The following FYB1 variants were observed in gnomAD, a reference collection of about 807,000 sequenced individuals.
FYB1 encodes the protein FYN-binding protein 1.
In FYB1, 41 loss-of-function variants were observed where a neutral mutation model predicts 94.1. The observed-to-expected ratio is 0.44, with a 90% confidence interval of 0.34 to 0.57. The LOEUF is 0.57. Ranked by LOEUF, FYB1 falls within the 20% of genes least tolerant of loss-of-function variation. The probability of loss-of-function intolerance (pLI) is 0.02; values close to 1 mark genes in which losing one functional copy is unlikely to be tolerated. For synonymous variants in FYB1, 367 were observed against 353.2 expected (o/e 1.04, Z -0.44); for missense variants, 1,050 against 976.8 (o/e 1.07, Z -1.00).
At chr5:39,166,577 A>G (rs375001360) in intron 2 of FYB1, among the ~76,000 whole-genome samples, 4 of 152,210 alleles carry the variant, frequency 2.6e-5, no homozygotes, top group East Asian at 1.9e-4. Context: ...TATAAAATGG[A>G]TGACACTGAT....
chr5:39,138,220 A>G (rs1741835060), intron 6 of FYB1: 1 of 166,798 alleles, frequency 6.0e-6, no homozygotes, highest in Non-Finnish European at 1.3e-5. Context: ...CGTTTCCAAG[A>G]AACTTCTTTG....
chr5:39,210,111 G>A (rs993111133), intron 1 of FYB1, among the ~76,000 whole-genome samples: 1 of 152,224 alleles, frequency 6.6e-6, no homozygotes, highest in African/African-American at 2.4e-5. Flanking sequence ...GGACCTGGTG[G>A]CGGAAGCAGC....
intron 3 of FYB1, among the ~76,000 whole-genome samples, chr5:39,146,583 G>T (rs1237267782): frequency 1.3e-5 from 2 of 152,074 alleles, no homozygotes; most frequent in African/African-American, 4.8e-5. Context: ...TGGTGAAAAG[G>T]ATGTTAAATC....
At chr5:39,164,391 A>C (rs184617983) in intron 2 of FYB1, among the ~76,000 whole-genome samples, 1 of 152,312 alleles carries the variant, frequency 6.6e-6, no homozygotes, top group East Asian at 1.9e-4. Flanking sequence ...AAAACTCTGC[A>C]CACCCAACAC....
chr5:39,180,292 T>G (rs975128771), intron 2 of FYB1, among the ~76,000 whole-genome samples: 7 of 151,822 alleles, frequency 4.6e-5, no homozygotes, highest in African/African-American at 1.5e-4. Context: ...TGAGGAGGAG[T>G]GTTTCTACTC....
intron 1 of FYB1, among the ~76,000 whole-genome samples, chr5:39,227,347 A>G (rs1750521665): frequency 6.6e-6 from 1 of 152,184 alleles, no homozygotes; most frequent in Non-Finnish European, 1.5e-5. Flanking sequence ...ATTATTTTTC[A>G]TAGGGGATGC....
At chr5:39,198,396 T>C (rs1354119611) in intron 2 of FYB1, among the ~76,000 whole-genome samples, 2 of 152,206 alleles carry the variant, frequency 1.3e-5, no homozygotes, top group Non-Finnish European at 2.9e-5. Context: ...ATGGGTTCAT[T>C]AAACTGCTGT....
At chr5:39,239,822 C>T (rs764173230) in intron 1 of FYB1, among the ~76,000 whole-genome samples, 6 of 152,100 alleles carry the variant, frequency 3.9e-5, no homozygotes, top group Non-Finnish European at 8.8e-5. Flanking sequence ...TTAAAATTCA[C>T]ATGGAACCAA....
At chr5:39,185,713 A>T (rs925271950) in intron 2 of FYB1, among the ~76,000 whole-genome samples, 5 of 151,654 alleles carry the variant, frequency 3.3e-5, no homozygotes, top group Admixed American at 2.0e-4. Context: ...AACCATGAGG[A>T]ATCCCTAAAA....
intron 2 of FYB1, among the ~76,000 whole-genome samples, chr5:39,171,362 G>C (rs1330497196): frequency 6.6e-6 from 1 of 152,018 alleles, no homozygotes; most frequent in Non-Finnish European, 1.5e-5. Flanking sequence ...TAGTTTTTAA[G>C]TTGTGGAATC....
intron 1 of FYB1, among the ~76,000 whole-genome samples, chr5:39,229,431 T>C (rs79135382): frequency 1.3e-5 from 2 of 152,278 alleles, no homozygotes; most frequent in Non-Finnish European, 2.9e-5. Context: ...CAGTGGAAAC[T>C]AGTAACTCAC....
intron 1 of FYB1, among the ~76,000 whole-genome samples, chr5:39,224,812 A>G (rs151309602): frequency 2.8e-4 from 42 of 152,196 alleles, no homozygotes; most frequent in African/African-American, 9.9e-4. Context: ...CCTCTCCCTA[A>G]ATCCTTCTAA....
chr5:39,169,939 C>A, intron 2 of FYB1: 1 of 638,716 alleles, frequency 1.6e-6, no homozygotes, highest in South Asian at 1.5e-5. Context: ...CTTCTGTGAA[C>A]TATTAAGGAA....
intron 2 of FYB1, among the ~76,000 whole-genome samples, chr5:39,183,928 A>G (rs1579594026): frequency 6.6e-6 from 1 of 152,316 alleles, no homozygotes; most frequent in Admixed American, 6.5e-5. Context: ...TAGATGATCC[A>G]CAGGCCACAT....
At chr5:39,145,348 T>C (rs1742551354) in intron 3 of FYB1, among the ~76,000 whole-genome samples, 1 of 152,164 alleles carries the variant, frequency 6.6e-6, no homozygotes, top group South Asian at 2.1e-4. Context: ...TGTTTAAAAA[T>C]GAAATTAAAT....
In FYB1 at chr5:39,107,429, A is replaced by C; in HGVS notation, c.*14T>G. 3 of 1,529,054 alleles carry C rather than the reference A, an allele frequency of 2.0e-6. No individual in the cohort carries two copies. The highest frequency in any genetic ancestry group is 2.6e-6 in the Non-Finnish European group (3 of 1,133,694). The allele number at this position is 1,529,054 out of a possible 1,614,324, so 94.7% of individuals were successfully genotyped here. On this transcript the variant is annotated 3_prime_UTR_variant, in exon 19 of 19. Transcript: ENST00000512982. ...GGCACCTAATGAACACAGCAGAATGACCAAAGTTGAGTGCTAGTCATTGTC... is the reference window on the plus strand; with the variant it reads ...GGCACCTAATGAACACAGCAGAATGCCCAAAGTTGAGTGCTAGTCATTGTC...
At chr5:39,271,308 T>C (rs1439863220) in intron 1 of FYB1, among the ~76,000 whole-genome samples, 2 of 152,284 alleles carry the variant, frequency 1.3e-5, no homozygotes, top group Admixed American at 6.5e-5. Context: ...GCATCAGATG[T>C]TAAGGGCATA....
At chr5:39,261,332 A>AC (rs1752202142) in intron 1 of FYB1, among the ~76,000 whole-genome samples, 1 of 122,246 alleles carries the variant, frequency 8.2e-6, no homozygotes, top group Admixed American at 9.5e-5. Context: ...ACGTGTGTAG[A>AC]TTAAGACACA....
intron 2 of FYB1, chr5:39,169,524 A>C (rs1162332331): frequency 1.7e-6 from 1 of 571,924 alleles, no homozygotes; most frequent in African/African-American, 1.9e-5. Context: ...GGCAGAGTCC[A>C]TCTGCTGTTT....
Sources: gnomAD v4.1 joint callset for allele counts (sites outside exome capture counted in the v4.1 genomes callset) on GRCh38, gnomAD v4.1.1 for gene constraint, MANE v1.5 for transcripts, NCBI Gene and HGNC (gene_info 2026-07-23, HGNC 2026-07-21) for gene names.